TCF7L2: variants seen among roughly 807,000 people sequenced by gnomAD.
The protein encoded by TCF7L2 is transcription factor 7-like 2.
TCF7L2 carries 23 observed loss-of-function variants against 77.9 expected under a neutral mutation model. The ratio of observed to expected loss-of-function variants is 0.30; its 90% CI spans 0.21 to 0.42. TCF7L2 has a LOEUF of 0.42. Ranked by LOEUF, TCF7L2 falls within the 10% of genes least tolerant of loss-of-function variation. TCF7L2 has a pLI of 1.00. For synonymous variants in TCF7L2, 413 were observed against 340.2 expected, an observed-to-expected ratio of 1.21 and a Z score of -2.36; for missense variants, 654 against 793.1, an observed-to-expected ratio of 0.82 and a Z score of 2.11.
intron 5 of TCF7L2, among the ~76,000 whole-genome samples, chr10:113,108,873 C>T (rs985816105): frequency 2.0e-5 from 3 of 152,208 alleles, no homozygotes; most frequent in Non-Finnish European, 2.9e-5. Context: ...GTGACTTTTT[C>T]ATTTAATTTT....
At chr10:113,157,966 C>G in intron 11 of TCF7L2, 55 bp from the exon 12 acceptor site, 1 of 1,542,356 alleles carries the variant, frequency 6.5e-7, no homozygotes, top group Non-Finnish European at 8.8e-7. Flanking sequence ...CGCCCAGACA[C>G]TCTTCTCACA....
rs1477073663 is a variant in TCF7L2 at position 112,966,184 on chromosome 10, T to TTATATATATTTATATATATATATATA, written c.450+1569_450+1570insTTATATATATATATATATATATATAT. On this transcript the variant is annotated intron_variant, in intron 4 of 13. Transcript: ENST00000627217. ...GAGTGAGACTCTGTCTAAAATATAT[T>TTATATATATTTATATATATATATATA]TATATATATATATATATATATATAT... is the stretch of plus-strand genomic sequence containing the variant. Among the ~76,000 whole-genome samples, 348 of 114,184 alleles carry TTATATATATTTATATATATATATATA rather than the reference T, an allele frequency of 3.0e-3. 10 individuals are homozygous for TTATATATATTTATATATATATATATA. The highest frequency in any genetic ancestry group is 8.0e-3 in the East Asian group (34 of 4,272). The allele number at this position is 114,184 out of a possible 152,430, so 74.9% of individuals were successfully genotyped here.
chr10:113,061,501 C>T (rs2056435361), intron 5 of TCF7L2, among the ~76,000 whole-genome samples: 1 of 152,168 alleles, frequency 6.6e-6, no homozygotes, highest in Non-Finnish European at 1.5e-5. Flanking sequence ...TCCAATTTCC[C>T]TCTTATGTCT....
chr10:113,114,777 A>T (rs1215349973), intron 5 of TCF7L2, among the ~76,000 whole-genome samples: 1 of 152,206 alleles, frequency 6.6e-6, no homozygotes, highest in Non-Finnish European at 1.5e-5. Context: ...CTGAGAGAGA[A>T]AGAGTATGTG....
At position 112,997,877 on chromosome 10, in the gene TCF7L2, A is replaced by G. The variant is rs116441194; in HGVS notation, c.450+33253A>G. ...TCTTTGGCTGAAGGTTTTTGCCTGC[A>G]ACCTTGCATTGTAATCCAGTGACAC... On this transcript the variant is annotated intron_variant, in intron 4 of 13. Coordinates refer to ENST00000627217, the MANE Select transcript of TCF7L2 (RefSeq NM_001146274.2). Among the ~76,000 whole-genome samples, 549 of 152,318 alleles carry G rather than the reference A, an allele frequency of 3.6e-3. 4 individuals carry two copies. The highest frequency in any genetic ancestry group is 0.012 in the African/African-American group (515 of 41,574).
chr10:113,129,839 T>A (rs1372934611), intron 5 of TCF7L2: 1 of 1,289,006 alleles, frequency 7.8e-7, no homozygotes, highest in African/African-American at 1.5e-5. Flanking sequence ...TTTTTAGAGG[T>A]GGAGAGAGGG....
chr10:113,086,468 C>T (rs1322768599), intron 5 of TCF7L2, among the ~76,000 whole-genome samples: 1 of 152,170 alleles, frequency 6.6e-6, no homozygotes, highest in Non-Finnish European at 1.5e-5. Context: ...CTTATCTTTC[C>T]CTACAAGTCT....
At chr10:112,964,737 T>TGAG in intron 4 of TCF7L2, 113 bp downstream of exon 4, 1 of 837,746 alleles carries the variant, frequency 1.2e-6, no homozygotes, top group Non-Finnish European at 1.8e-6. Context: ...ATGATGATGA[T>TGAG]GATGGTGGTG....
Position 113,165,537 on chromosome 10 carries a change from T to C in TCF7L2, c.1392-18T>C, listed in dbSNP as rs1376487236. ...TCTGTGCCCTCTATTCACAGATAAC[T>C]CTCTCCCCTGTTTCTAGGAGAAAAA... On this transcript the variant is annotated intron_variant, in intron 13 of 13. Coordinates refer to ENST00000627217, the MANE Select transcript of TCF7L2 (RefSeq NM_001146274.2). The C allele has an allele frequency of 6.2e-7, 1 of 1,612,820 alleles. No individual in the cohort carries two copies. The highest frequency in any genetic ancestry group is 1.3e-5 in the African/African-American group (1 of 74,786).
chr10:113,073,864 G>A (rs769873059), intron 5 of TCF7L2, among the ~76,000 whole-genome samples: 30 of 152,328 alleles, frequency 2.0e-4, no homozygotes, highest in Non-Finnish European at 2.8e-4. Context: ...ACGACTCCAT[G>A]TGCGAGTTGC....
intron 4 of TCF7L2, among the ~76,000 whole-genome samples, chr10:112,990,647 A>C (rs1427444806): frequency 6.6e-6 from 1 of 152,024 alleles, no homozygotes; most frequent in Non-Finnish European, 1.5e-5. Flanking sequence ...TCCAGGCTGC[A>C]GTGAGCCGTG....
At chr10:113,083,259 GACACACACACACACACAC>G (rs10649541) in intron 5 of TCF7L2, among the ~76,000 whole-genome samples, 1 of 143,364 alleles carries the variant, frequency 7.0e-6, no homozygotes, top group Admixed American at 7.0e-5. Context: ...TATACTGATA[GACACACACACACACACAC>G]ACACACACAC....
At chr10:112,951,746 T>G in intron 3 of TCF7L2, 139 bp downstream of exon 3, 1 of 278,830 alleles carries the variant, frequency 3.6e-6, no homozygotes, top group South Asian at 1.4e-4. Context: ...CCTCCCCCGC[T>G]CGTGGCCCAG....
chr10:113,073,129 T>TGAGA (rs1555010150), intron 5 of TCF7L2, among the ~76,000 whole-genome samples: 51 of 123,504 alleles, frequency 4.1e-4, no homozygotes, highest in South Asian at 1.2e-3. Flanking sequence ...TGTGTGTGTG[T>TGAGA]GAGAGAGAGA....
chr10:113,108,537 C>G lies in TCF7L2; in HGVS notation c.553-32647C>G, dbSNP rs547020514. Among the ~76,000 whole-genome samples, 12 of 152,282 alleles carry G rather than the reference C, an allele frequency of 7.9e-5. No individual in the cohort carries two copies. The East Asian group carries it at 2.1e-3, about 27-fold the overall frequency. ...AAAAGGAGTAGGACTCTAGGGACCT[C>G]CAGGCATCAGTGTGGCCGACCACTG... On this transcript the variant is annotated intron_variant, in intron 5 of 13. Transcript: ENST00000627217.
At chr10:113,055,057 C>T (rs2055146128) in intron 5 of TCF7L2, among the ~76,000 whole-genome samples, 1 of 152,102 alleles carries the variant, frequency 6.6e-6, no homozygotes, top group African/African-American at 2.4e-5. Context: ...ATTACAGATT[C>T]TGCTGTAATA....
At chr10:113,137,103 G>A (rs1342393613) in intron 5 of TCF7L2, among the ~76,000 whole-genome samples, 1 of 151,920 alleles carries the variant, frequency 6.6e-6, no homozygotes, top group African/African-American at 2.4e-5. Flanking sequence ...TCTCACAAGA[G>A]ATATTAAAAT....
intron 8 of TCF7L2, 136 bp from the exon 9 acceptor site, chr10:113,150,862 C>T (rs2137115905): frequency 1.8e-6 from 2 of 1,117,686 alleles, no homozygotes; most frequent in South Asian, 3.4e-5. Flanking sequence ...TTAATGCTGA[C>T]AGGTTTCATA....
intron 4 of TCF7L2, among the ~76,000 whole-genome samples, chr10:112,982,716 C>T (rs951396318): frequency 5.9e-5 from 9 of 152,154 alleles, no homozygotes; most frequent in African/African-American, 2.2e-4. Flanking sequence ...CATCCACCTC[C>T]CGGATTCAAA....
Sources: allele counts gnomAD v4.1 joint callset (sites outside exome capture counted in the v4.1 genomes callset), GRCh38; gene constraint gnomAD v4.1.1; transcripts MANE v1.5; gene names NCBI Gene and HGNC (gene_info 2026-07-23, HGNC 2026-07-21).